FRYL: variants seen among roughly 807,000 people sequenced by gnomAD.
FRYL encodes the protein protein furry homolog-like.
FRYL carries 150 observed loss-of-function variants against 351.2 expected under a neutral mutation model. The observed-to-expected ratio is 0.43, with a 90% confidence interval of 0.37 to 0.49. FRYL has a LOEUF of 0.49. Ranked by LOEUF, FRYL falls within the 20% of genes least tolerant of loss-of-function variation. FRYL has a pLI of 0.00. For synonymous variants in FRYL, 1,153 were observed against 1,257.1 expected (o/e 0.92, Z 1.75); for missense variants, 3,036 against 3,619.3 (o/e 0.84, Z 4.13).
rs111723807 is a variant in FRYL at position 48,510,752 on chromosome 4, T to C, written c.8295+83A>G. 1.0e-3 allele frequency: 1,123 copies of C among 1,083,706 alleles called. 8 individuals carry two copies. The African/African-American group carries it at 0.014, about 14-fold the overall frequency. The allele number at this position is 1,083,706 out of a possible 1,614,324, so 67.1% of individuals were successfully genotyped here. A position where few individuals can be genotyped will look rare whatever the true frequency, so the allele number is the denominator to read the frequency against. On this transcript the variant is annotated intron_variant, in intron 58 of 63. Transcript: ENST00000358350. Reference sequence around the variant, plus strand: ...AATACGAACCTTTATACCATAAAATTCAGAATTACTTAGAAAAAAAGACTT... The same window carrying C: ...AATACGAACCTTTATACCATAAAATCCAGAATTACTTAGAAAAAAAGACTT...
At chr4:48,676,528 C>T (rs1026724349) in intron 3 of FRYL, among the ~76,000 whole-genome samples, 24 of 152,110 alleles carry the variant, frequency 1.6e-4, no homozygotes, top group African/African-American at 5.8e-4. Context: ...ACTACAGGCT[C>T]CCGCCACCAG....
At chr4:48,764,976 C>A (rs890019400) in intron 1 of FRYL, among the ~76,000 whole-genome samples, 7 of 152,176 alleles carry the variant, frequency 4.6e-5, no homozygotes, top group African/African-American at 1.7e-4. Context: ...TCCCAAGTAG[C>A]TGGGATTACA....
intron 24 of FRYL, among the ~76,000 whole-genome samples, chr4:48,575,810 C>T (rs753374900): frequency 2.0e-5 from 3 of 152,100 alleles, no homozygotes; most frequent in Non-Finnish European, 4.4e-5. Context: ...TGAATGAGCA[C>T]GGGTCTTTCT....
chr4:48,670,333 T>C (rs1762450444), intron 3 of FRYL, among the ~76,000 whole-genome samples: 1 of 151,836 alleles, frequency 6.6e-6, no homozygotes, highest in South Asian at 2.1e-4. Context: ...CTTGGAAGGC[T>C]GAGGCAGGAA....
intron 5 of FRYL, among the ~76,000 whole-genome samples, chr4:48,622,687 A>ATTGATCCAACAT (rs1319898141): frequency 1.3e-5 from 2 of 152,212 alleles, no homozygotes; most frequent in Non-Finnish European, 2.9e-5. Context: ...TTATAACAAA[A>ATTGATCCAACAT]TTGATCCAAC....
intron 21 of FRYL, 93 bp from the exon 22 acceptor site, chr4:48,581,044 A>AT (rs755903429): frequency 0.073 from 36,747 of 503,328 alleles, 574 homozygotes; most frequent in African/African-American, 0.17. Flanking sequence ...CTTCAGCACT[A>AT]TTTTTTTTTT....
chr4:48,763,454 C>T (rs1774621625), intron 1 of FRYL, among the ~76,000 whole-genome samples: 1 of 151,894 alleles, frequency 6.6e-6, no homozygotes, highest in Non-Finnish European at 1.5e-5. Context: ...AGAGTGTGAC[C>T]TTGTCTCTTA....
chr4:48,619,965 T>C (rs1194544228), intron 6 of FRYL, among the ~76,000 whole-genome samples: 1 of 152,228 alleles, frequency 6.6e-6, no homozygotes, highest in Non-Finnish European at 1.5e-5. Context: ...ATTTAGAAAA[T>C]GTAGCATTGT....
intron 1 of FRYL, among the ~76,000 whole-genome samples, chr4:48,712,597 G>A (rs1229656136): frequency 6.6e-6 from 1 of 152,208 alleles, no homozygotes; most frequent in Non-Finnish European, 1.5e-5. Flanking sequence ...TCTGATTGGT[G>A]TACCTGAAAG....
At chr4:48,772,773 C>G (rs1405291866) in intron 1 of FRYL, among the ~76,000 whole-genome samples, 1 of 150,108 alleles carries the variant, frequency 6.7e-6, no homozygotes, top group South Asian at 2.1e-4. Flanking sequence ...ACAAAGAACA[C>G]GTGAGTGGTT....
At chr4:48,713,377 T>A (rs1448244974) in intron 1 of FRYL, among the ~76,000 whole-genome samples, 1 of 151,936 alleles carries the variant, frequency 6.6e-6, no homozygotes, top group African/African-American at 2.4e-5. Context: ...AGGAAACCCA[T>A]CTCACGTGCA....
Position 48,600,022 on chromosome 4 carries a change from G to A in FRYL, c.1035+1998C>T, listed in dbSNP as rs574579647. On this transcript the variant is annotated intron_variant, in intron 13 of 63. Coordinates refer to ENST00000358350, the MANE Select transcript of FRYL (RefSeq NM_015030.2). ...CTCAGTAGGGTGAGGCAGGAGAATC[G>A]CTTGAGTCCGGGAGGTGAAGCCTGC... Among the ~76,000 whole-genome samples, 5 of 151,970 alleles carry A rather than the reference G, an allele frequency of 3.3e-5. No homozygotes were observed. The East Asian group carries it at 7.8e-4, about 24-fold the overall frequency.
At chr4:48,631,270 A>G (rs1157280095) in intron 4 of FRYL, among the ~76,000 whole-genome samples, 2 of 152,170 alleles carry the variant, frequency 1.3e-5, no homozygotes, top group African/African-American at 4.8e-5. Flanking sequence ...GAGTAGAAAC[A>G]TCTACGTTCT....
chr4:48,523,394 T>G (rs899657085), intron 53 of FRYL: 1 of 274,548 alleles, frequency 3.6e-6, no homozygotes, highest in East Asian at 8.4e-5. Flanking sequence ...GCCATTTCTA[T>G]TCTAATACAC....
chr4:48,752,097 A>C (rs1183132095), intron 1 of FRYL, among the ~76,000 whole-genome samples: 3 of 152,188 alleles, frequency 2.0e-5, no homozygotes, highest in Non-Finnish European at 4.4e-5. Flanking sequence ...GCAAATAGTG[A>C]ATGTGAATAT....
chr4:48,570,912 T>C lies in FRYL; in HGVS notation c.2911A>G (p.Lys971Glu), dbSNP rs779186962. The C allele has an allele frequency of 6.2e-7, 1 of 1,611,786 alleles. No individual in the cohort carries two copies. Among genetic ancestry groups the C allele is most frequent in the Non-Finnish European group, 8.5e-7 (1 of 1,178,002 alleles). The part of the protein sequence containing the change: ...EALERRPENM[K>E]RRRRRDILRV... ...AAAATGTCTCGACGCCTGCGCCGTTTCATATTCTATTCCAAAGATACAAAC... is the reference window on the plus strand; with the variant it reads ...AAAATGTCTCGACGCCTGCGCCGTTCCATATTCTATTCCAAAGATACAAAC... The change falls in exon 27 of 64, where the codon AAA (lysine) becomes GAA (glutamate). Residue 971 changes from lysine to glutamate, a missense_variant. Physicochemically the swap from Lys to Glu is moderately conservative, Grantham distance 56 (BLOSUM62 1). This residue lies in a region of FRYL where 492 missense variants were observed against 551.5 expected (regional missense o/e 0.89). Transcript: ENST00000358350.
chr4:48,534,086 T>C (rs1728337468), intron 49 of FRYL, among the ~76,000 whole-genome samples: 1 of 151,846 alleles, frequency 6.6e-6, no homozygotes, highest in South Asian at 2.1e-4. Flanking sequence ...ATTAGCTGGG[T>C]GTGGTGGTAC....
rs148309863 is a variant in FRYL at position 48,595,706 on chromosome 4, G to T, written c.1140-8C>A. The T allele has an allele frequency of 6.9e-4, 1,080 of 1,572,950 alleles. 7 individuals are homozygous for T. In the African/African-American group the frequency reaches 0.013, roughly 19 times the overall value. On this transcript the variant is annotated splice_region_variant and splice_polypyrimidine_tract_variant and intron_variant, in intron 14 of 63. Coordinates refer to ENST00000358350, the MANE Select transcript of FRYL (RefSeq NM_015030.2). ...ACTATGCTCATAAGACGACTACAGG[G>T]AAAAAGATCTAGTCATAGTGAGATC...
chr4:48,565,594 C>T lies in FRYL; in HGVS notation c.3267G>A (p.Thr1089=), dbSNP rs764289555. Residue 1089 remains threonine, a synonymous_variant, in exon 29 of 64, where the codon ACG becomes ACA. Coordinates refer to ENST00000358350, the MANE Select transcript of FRYL (RefSeq NM_015030.2). ...HWAGPFSIMF[T]PLDRYSDRNM... is the part of the protein sequence containing the mutation. ...TTCTATCACTGTATCTGTCCAAGGG[C>T]GTAAACATGATGCTAAAAGGACCTG... 2.4e-5 allele frequency: 38 copies of T among 1,613,602 alleles called. No individual in the cohort carries two copies. The highest frequency in any genetic ancestry group is 3.3e-5 in the Admixed American group (2 of 59,934).
Sources: gnomAD v4.1 joint callset for allele counts (sites outside exome capture counted in the v4.1 genomes callset) on GRCh38, gnomAD v4.1.1 for gene constraint, gnomAD v4.1.1 regional missense constraint, MANE v1.5 for transcripts, NCBI Gene and HGNC (gene_info 2026-07-23, HGNC 2026-07-21) for gene names.